The following NUP205 variants were observed in gnomAD, a reference collection of about 807,000 sequenced individuals.
NUP205 encodes the protein nuclear pore complex protein Nup205.
In NUP205, 76 loss-of-function variants were observed where a neutral mutation model predicts 253.8. The ratio of observed to expected loss-of-function variants is 0.30; its 90% CI spans 0.25 to 0.36. The LOEUF is 0.36. NUP205 is among the 10% of genes least tolerant of loss of function. The pLI is 1.00. For synonymous variants in NUP205, 832 were observed against 850.1 expected (o/e 0.98, Z 0.37); for missense variants, 2,162 against 2,425.5 (o/e 0.89, Z 2.28).
rs978304196 is a variant in NUP205 at position 135,619,853 on chromosome 7, C to T, written c.4295C>T (p.Ala1432Val). Residue 1432 changes from alanine to valine, a missense_variant, in exon 30 of 43, where the codon GCC becomes GTC. Ala to Val is a moderately conservative substitution (Grantham distance 64). Around this residue, in one of 5 missense-constraint regions of NUP205, gnomAD observed 1,144 missense variants for 1,280.9 expected, o/e 0.89. Transcript: ENST00000285968. ...YGSLLYYLQI[A>V]QRPDEPDTLE... ...TCTCTGCTTTATTACTTACAGATTG[C>T]CCAGAGACCTGATGAACCAGACACC... 6.2e-7 allele frequency: 1 copy of T among 1,613,234 alleles called. No homozygotes were observed. Among genetic ancestry groups the T allele is most frequent in the Non-Finnish European group, 8.5e-7 (1 of 1,179,466 alleles).
At chr7:135,622,509 ATC>A (rs1794495032) in intron 30 of NUP205, among the ~76,000 whole-genome samples, 1 of 151,630 alleles carries the variant, frequency 6.6e-6, no homozygotes, top group Admixed American at 6.6e-5. Flanking sequence ...ATTCATTTTG[ATC>A]TCTTTCAGAA....
chr7:135,558,262 C>A (rs77226683), intron 1 of NUP205: 22 of 455,070 alleles, frequency 4.8e-5, no homozygotes, highest in Non-Finnish European at 7.3e-5. Flanking sequence ...CCCCTCACCC[C>A]CAAGTTTCAC....
At chr7:135,613,352 C>G (rs77845757) in intron 22 of NUP205, among the ~76,000 whole-genome samples, 1 of 151,198 alleles carries the variant, frequency 6.6e-6, no homozygotes, top group African/African-American at 2.4e-5. Flanking sequence ...TTTCTCTTAT[C>G]TATTCTTTTT....
At chr7:135,578,698 G>A (rs1481643464) in intron 6 of NUP205, 53 bp from the exon 7 acceptor site, 3 of 1,319,656 alleles carry the variant, frequency 2.3e-6, no homozygotes, top group Non-Finnish European at 3.2e-6. Context: ...CTGTGTATCA[G>A]AAGTGAGAAT....
intron 1 of NUP205, among the ~76,000 whole-genome samples, chr7:135,561,487 CCTT>C (rs1286802068): frequency 1.3e-5 from 2 of 152,222 alleles, no homozygotes; most frequent in African/African-American, 2.4e-5. Context: ...GCTTGGCAGT[CCTT>C]CTGTGATAGT....
At chr7:135,646,747 A>G (rs751968202) in intron 42 of NUP205, among the ~76,000 whole-genome samples, 1 of 152,232 alleles carries the variant, frequency 6.6e-6, no homozygotes, top group Non-Finnish European at 1.5e-5. Flanking sequence ...ACTTTGAACA[A>G]CTTACTTAAC....
chr7:135,609,103 T>TC (rs1554463548), intron 22 of NUP205, among the ~76,000 whole-genome samples: 2 of 62,318 alleles, frequency 3.2e-5, no homozygotes, highest in African/African-American at 1.4e-4. Context: ...AAACTCCGTC[T>TC]CAAAAAAAAA....
At chr7:135,574,773 T>C (rs770809476) in intron 3 of NUP205, among the ~76,000 whole-genome samples, 1 of 152,240 alleles carries the variant, frequency 6.6e-6, no homozygotes, top group Non-Finnish European at 1.5e-5. Context: ...CTCTGGCTGC[T>C]GTGTAGAGAA....
In NUP205 at chr7:135,594,670, G is replaced by A. The variant is rs1312361830; in HGVS notation, c.1954G>A (p.Ala652Thr). 7.4e-6 allele frequency: 12 copies of A among 1,613,778 alleles called. No homozygotes were observed. The highest frequency in any genetic ancestry group is 1.3e-5 in the African/African-American group (1 of 74,990). The change falls in exon 13 of 43, where the codon GCT (alanine) becomes ACT (threonine). Residue 652 changes from alanine to threonine, a missense_variant. By Grantham distance (58) the Ala-to-Thr change is moderately conservative. Around this residue, in one of 5 missense-constraint regions of NUP205, gnomAD observed 892 missense variants for 957.1 expected, o/e 0.93. Transcript: ENST00000285968. ...AGCTGAGCTACTGAAGACACTCGCAGCTTTTGGAAAATCTCCTGAAATTGC... is the reference window on the plus strand; with the variant it reads ...AGCTGAGCTACTGAAGACACTCGCAACTTTTGGAAAATCTCCTGAAATTGC... Reference protein sequence around the residue: ...LKAELLKTLAAFGKSPEIAAS... With the variant: ...LKAELLKTLATFGKSPEIAAS...
At chr7:135,635,759 G>T in intron 36 of NUP205, 102 bp downstream of exon 36, 2 of 608,462 alleles carry the variant, frequency 3.3e-6, no homozygotes, top group South Asian at 2.8e-5. Flanking sequence ...CCTTTCAACT[G>T]TTTTGGTTCT....
At position 135,577,808 on chromosome 7, in the gene NUP205, A is replaced by G. The variant is rs1806192009; in HGVS notation, c.661A>G (p.Ile221Val). 6.2e-7 allele frequency: 1 copy of G among 1,613,344 alleles called. No homozygotes were observed. The highest frequency in any genetic ancestry group is 8.5e-7 in the Non-Finnish European group (1 of 1,179,334). The change falls in exon 6 of 43, where the codon ATT (isoleucine) becomes GTT (valine). Residue 221 changes from isoleucine to valine, a missense_variant. Physicochemically the swap from Ile to Val is conservative, Grantham distance 29 (BLOSUM62 3). Coordinates refer to ENST00000285968, the MANE Select transcript of NUP205 (RefSeq NM_015135.3). ...EKHRKEVSDL[I>V]KECRQSLAES... The stretch of plus-strand genomic sequence containing the variant: ...TTTTTATTTCTAGGTTTCTGATCTC[A>G]TTAAGGAGTGCAGGCAGTCTCTTGC...
intron 1 of NUP205, among the ~76,000 whole-genome samples, chr7:135,564,393 T>G (rs1805687981): frequency 6.6e-6 from 1 of 151,096 alleles, no homozygotes; most frequent in South Asian, 2.1e-4. Flanking sequence ...ATTACAGGTG[T>G]TAGCCACCAT....
intron 39 of NUP205, among the ~76,000 whole-genome samples, chr7:135,643,676 A>G (rs992534829): frequency 6.6e-6 from 1 of 152,190 alleles, no homozygotes; most frequent in African/African-American, 2.4e-5. Flanking sequence ...TTTTTAATAG[A>G]ACTTGGGTAA....
In NUP205 at chr7:135,602,825, G is replaced by A; in HGVS notation, c.2533G>A (p.Ala845Thr). The change falls in exon 18 of 43, where the codon GCA becomes ACA. Residue 845 changes from alanine (A) to threonine (T), a missense_variant. Physicochemically the swap from Ala to Thr is moderately conservative, Grantham distance 58. Coordinates refer to ENST00000285968, the MANE Select transcript of NUP205 (RefSeq NM_015135.3). Reference protein sequence around the residue: ...PFPGKKHLEKAVQHCLALLNL... With the variant: ...PFPGKKHLEKTVQHCLALLNL... ...GATAGGGAAAAAACACCTGGAGAAA[G>A]CAGTACAGCATTGCCTTGCACTTCT... is the stretch of plus-strand genomic sequence containing the variant. The A allele has an allele frequency of 6.2e-7, 1 of 1,610,582 alleles. No individual in the cohort carries two copies. Among genetic ancestry groups the A allele is most frequent in the Non-Finnish European group, 8.5e-7 (1 of 1,179,280 alleles).
At chr7:135,615,597 T>C (rs1204583441) in intron 23 of NUP205, among the ~76,000 whole-genome samples, 1 of 152,186 alleles carries the variant, frequency 6.6e-6, no homozygotes. Context: ...CTTTAAAATA[T>C]TGTTTTATAT....
intron 11 of NUP205, 71 bp downstream of exon 11, chr7:135,591,671 A>G: frequency 7.3e-7 from 1 of 1,377,726 alleles, no homozygotes; most frequent in Non-Finnish European, 1.0e-6. Flanking sequence ...ACTACCTATT[A>G]AGAACATTGG....
intron 2 of NUP205, among the ~76,000 whole-genome samples, chr7:135,572,733 G>C (rs990771720): frequency 6.6e-6 from 1 of 151,930 alleles, no homozygotes; most frequent in Non-Finnish European, 1.5e-5. Flanking sequence ...TAATTTTTTT[G>C]TATTAGAGAC....
chr7:135,566,807 G>A (rs1455103616), intron 1 of NUP205, among the ~76,000 whole-genome samples: 1 of 151,734 alleles, frequency 6.6e-6, no homozygotes, highest in Non-Finnish European at 1.5e-5. Flanking sequence ...GCGCAATCTC[G>A]GCTCACTGCA....
rs146876235 is a variant in NUP205 at position 135,643,365 on chromosome 7, A to G, written c.5559+7A>G. ...CCCAGATGAGATAAAAGAGGTACGA[A>G]TCTTATAATGAGCTGGGGGGACTTG... On this transcript the variant is annotated splice_region_variant and intron_variant, in intron 39 of 42. Transcript: ENST00000285968. The G allele has an allele frequency of 4.0e-5, 64 of 1,611,934 alleles. No homozygotes were observed. The African/African-American group carries it at 5.7e-4, about 14-fold the overall frequency.
Sources: allele counts gnomAD v4.1 joint callset (sites outside exome capture counted in the v4.1 genomes callset), GRCh38; gene constraint gnomAD v4.1.1; regional missense constraint gnomAD v4.1.1; transcripts MANE v1.5; gene names NCBI Gene and HGNC (gene_info 2026-07-23, HGNC 2026-07-21).